MEPE: variants seen among roughly 807,000 people sequenced by gnomAD.
The protein encoded by MEPE is matrix extracellular phosphoglycoprotein.
In MEPE, 7 loss-of-function variants were observed where a neutral mutation model predicts 7.3. The observed-to-expected ratio is 0.95, with a 90% CI of 0.54 to 1.79. The LOEUF (loss-of-function observed/expected upper bound fraction) is 1.79. MEPE is among the 40% of genes most tolerant of loss of function. The pLI is 0.00. For missense variants in MEPE, 623 were observed against 628.2 expected (o/e 0.99, Z 0.09); for synonymous variants, 214 against 213.1 (o/e 1.00, Z -0.04).
In MEPE at chr4:87,845,436, C is replaced by T. The variant is rs748402314; in HGVS notation, c.568C>T (p.His190Tyr). ...AGCAAGTATGAATTATGCTAAAGCACACTCGAAGGATAAAAAGAAGCCTCA... is the reference window on the plus strand; with the variant it reads ...AGCAAGTATGAATTATGCTAAAGCATACTCGAAGGATAAAAAGAAGCCTCA... The part of the protein sequence containing the change: ...IPASMNYAKA[H>Y]SKDKKKPQRD... Residue 190 changes from histidine (H) to tyrosine (Y), a missense_variant, in exon 4 of 4, where the codon CAC (histidine) becomes TAC (tyrosine). Transcript: ENST00000361056. 31 of 1,613,870 alleles carry T rather than the reference C, an allele frequency of 1.9e-5. 1 individual carries two copies. The South Asian group carries it at 2.6e-4, about 14-fold the overall frequency.
chr4:87,836,022 G>A (rs959546743), intron 2 of MEPE, among the ~76,000 whole-genome samples: 6 of 151,942 alleles, frequency 3.9e-5, no homozygotes, highest in African/African-American at 1.4e-4. Flanking sequence ...TAAGACATCT[G>A]CTTGGGGGTA....
At chr4:87,832,020 T>G (rs1722612372), upstream of MEPE, among the ~76,000 whole-genome samples, 1 of 152,024 alleles carries the variant, frequency 6.6e-6, no homozygotes, top group Non-Finnish European at 1.5e-5. Context: ...GCATGTTCAT[T>G]GCCTGACGAG....
intron 1 of MEPE, among the ~76,000 whole-genome samples, chr4:87,823,127 G>A (rs1722376984): frequency 6.6e-6 from 1 of 152,174 alleles, no homozygotes; most frequent in Non-Finnish European, 1.5e-5. Context: ...GCATCAAAGA[G>A]GGTGACTCTT....
Position 87,841,455 on chromosome 4 carries a change from C to A in MEPE, c.108+2770C>A, listed in dbSNP as rs532698478. Among the ~76,000 whole-genome samples the A allele has an allele frequency of 4.5e-4, 68 of 152,014 alleles. 1 individual carries two copies. The highest frequency in any genetic ancestry group is 1.5e-3 in the African/African-American group (61 of 41,388). On this transcript the variant is annotated intron_variant, in intron 3 of 3. Transcript: ENST00000361056. ...CCACCAATATTAAAAAATTAATGAA[C>A]AATAATGCCATAACTTTTACAAATA...
chr4:87,845,741 T>TGACAA lies in MEPE; in HGVS notation c.875_876insCAAGA (p.Glu292AspfsTer46). The TGACAA allele has an allele frequency of 1.2e-6, 2 of 1,613,934 alleles. No individual in the cohort carries two copies. Among genetic ancestry groups the TGACAA allele is most frequent in the Non-Finnish European group, 1.7e-6 (2 of 1,179,932 alleles). On this transcript the variant is annotated frameshift_variant, in exon 4 of 4. Transcript: ENST00000361056. LOFTEE classifies it low-confidence loss of function (END_TRUNC). ...CAGGGTTTGCAGGCCCAAGTGAAGC[T>TGACAA]GAGAGTACTCATCTTGACACAAAAA...
At chr4:87,838,571 G>A in intron 2 of MEPE, 61 bp from the exon 3 acceptor site, 1 of 1,438,230 alleles carries the variant, frequency 7.0e-7, no homozygotes, top group Non-Finnish European at 9.7e-7. Context: ...ACATTTGTTT[G>A]AAGAAGTTAA....
chr4:87,827,941 T>C (rs893517313), upstream of MEPE, among the ~76,000 whole-genome samples: 1 of 152,104 alleles, frequency 6.6e-6, no homozygotes, highest in African/African-American at 2.4e-5. Context: ...TAAAATTAAT[T>C]TGAGGGTAAA....
intron 1 of MEPE, among the ~76,000 whole-genome samples, chr4:87,823,059 C>T (rs1040108008): frequency 2.6e-5 from 4 of 152,154 alleles, no homozygotes; most frequent in African/African-American, 4.8e-5. Flanking sequence ...GTGTCCTGGA[C>T]GTTTCAGAAG....
At chr4:87,836,815 T>G (rs73840160) in intron 2 of MEPE, among the ~76,000 whole-genome samples, 4,219 of 152,284 alleles carry the variant, frequency 0.028, 198 homozygotes, top group African/African-American at 0.095. Context: ...CTACCAACTA[T>G]GAGTGTAGGC....
chr4:87,831,068 C>G (rs1386449060), upstream of MEPE, among the ~76,000 whole-genome samples: 1 of 152,070 alleles, frequency 6.6e-6, no homozygotes, highest in Non-Finnish European at 1.5e-5. Flanking sequence ...ATAACTCTTA[C>G]ATAATTTCTT....
intron 1 of MEPE, among the ~76,000 whole-genome samples, chr4:87,834,098 C>T (rs899225425): frequency 6.6e-6 from 1 of 152,216 alleles, no homozygotes; most frequent in African/African-American, 2.4e-5. Flanking sequence ...TAATTGAATG[C>T]ATGCAAAATT....
At chr4:87,825,833 T>C (rs922395033) in intron 1 of MEPE, among the ~76,000 whole-genome samples, 12 of 152,174 alleles carry the variant, frequency 7.9e-5, no homozygotes, top group African/African-American at 2.9e-4. Flanking sequence ...TTAGCTATTA[T>C]TCCTGATACC....
chr4:87,827,089 T>G (rs1722488981), intron 1 of MEPE, among the ~76,000 whole-genome samples: 3 of 147,980 alleles, frequency 2.0e-5, no homozygotes, highest in African/African-American at 7.3e-5. Context: ...AGTGATCATG[T>G]GGAGAAGCAC....
upstream of MEPE, among the ~76,000 whole-genome samples, chr4:87,830,786 G>A (rs115587909): frequency 5.3e-3 from 806 of 150,832 alleles, 8 homozygotes; most frequent in African/African-American, 0.019. Flanking sequence ...AAGCAGCTCT[G>A]GATACTCAAA....
At chr4:87,828,943 T>C, upstream of MEPE, among the ~76,000 whole-genome samples, 1 of 152,146 alleles carries the variant, frequency 6.6e-6, no homozygotes. Context: ...TAAATAGAGA[T>C]GGTGTGAAGA....
chr4:87,829,713 A>C (rs935515699), upstream of MEPE, among the ~76,000 whole-genome samples: 6 of 21,138 alleles, frequency 2.8e-4, no homozygotes, highest in South Asian at 5.3e-3. Flanking sequence ...TCCAAAGTTG[A>C]AAATGAGCAT....
Position 87,826,201 on chromosome 4 carries a change from G to T in MEPE, c.-13+4730G>T, listed in dbSNP as rs1464423905. Reference sequence around the variant, plus strand: ...TACATGTGCATGTTTCTTTATAATAGAATGCTTTATATTCTTTATATTCTT... The same window carrying T: ...TACATGTGCATGTTTCTTTATAATATAATGCTTTATATTCTTTATATTCTT... On this transcript the variant is annotated intron_variant, in intron 1 of 3. Coordinates refer to the MEPE transcript ENST00000424957. 2.0e-5 allele frequency among the ~76,000 whole-genome samples: 3 copies of T among 150,354 alleles called. No individual in the cohort carries two copies. The East Asian group carries it at 5.9e-4, about 29-fold the overall frequency.
intron 2 of MEPE, among the ~76,000 whole-genome samples, chr4:87,836,341 CTT>C (rs1722790628): frequency 6.6e-6 from 1 of 152,100 alleles, no homozygotes; most frequent in African/African-American, 2.4e-5. Context: ...ACTAGAAAGA[CTT>C]TGTTATAAGT....
chr4:87,827,244 T>C (rs886761688), intron 1 of MEPE, among the ~76,000 whole-genome samples: 1 of 152,272 alleles, frequency 6.6e-6, no homozygotes, highest in South Asian at 2.1e-4. Context: ...AACAGTGAAT[T>C]TGTATTTCAA....
Sources: gnomAD v4.1 joint callset for allele counts (sites outside exome capture counted in the v4.1 genomes callset) on GRCh38, gnomAD v4.1.1 for gene constraint, MANE v1.5 for transcripts, NCBI Gene and HGNC (gene_info 2026-07-23, HGNC 2026-07-21) for gene names.